SNX29: variants seen among roughly 807,000 people sequenced by gnomAD.
The protein encoded by SNX29 is sorting nexin 29, also known as sorting nexin-29.
Under a neutral mutation model 102.1 loss-of-function variants are expected in SNX29, and 78 were observed. That is an observed-to-expected ratio of 0.76 (90% confidence interval 0.64 to 0.92). The LOEUF (loss-of-function observed/expected upper bound fraction) is 0.92. Among genes scored for constraint, SNX29 ranks in the 40% least tolerant of loss-of-function variants. The pLI is 0.00. For missense variants in SNX29, 1,280 were observed against 1,061.7 expected (o/e 1.21, Z -2.86); for synonymous variants, 580 against 414.5 (o/e 1.40, Z -4.85).
At position 12,572,542 on chromosome 16, in the gene SNX29, A is replaced by G; in HGVS notation, c.*3913A>G. 9.4e-7 allele frequency: 1 copy of G among 1,063,532 alleles called. No individual in the cohort carries two copies. The highest frequency in any genetic ancestry group is 1.1e-6 in the Non-Finnish European group (1 of 878,142). 65.9% of individuals were successfully genotyped at this position (1,063,532 alleles called of 1,614,324 possible). ...GCTCAAGCCCCCACAGGGGGCTGCGACACCATCTGGCTCCTCACAGGGAGG... is the reference window on the plus strand; with the variant it reads ...GCTCAAGCCCCCACAGGGGGCTGCGGCACCATCTGGCTCCTCACAGGGAGG... On this transcript the variant is annotated 3_prime_UTR_variant, in exon 21 of 21. Coordinates refer to ENST00000566228, the MANE Select transcript of SNX29 (RefSeq NM_032167.5).
chr16:12,430,906 G>T (rs926308854), intron 18 of SNX29, among the ~76,000 whole-genome samples: 1 of 150,458 alleles, frequency 6.6e-6, no homozygotes, highest in Admixed American at 6.6e-5. Flanking sequence ...AGGCTGGAGT[G>T]CAGTGGCACA....
At chr16:12,240,465 A>G (rs981809393) in intron 14 of SNX29, among the ~76,000 whole-genome samples, 2 of 150,302 alleles carry the variant, frequency 1.3e-5, no homozygotes, top group Non-Finnish European at 3.0e-5. Context: ...GTTTGCTGTC[A>G]GTTTTTTAGT....
At chr16:12,008,117 T>C (rs2056519533) in intron 3 of SNX29, among the ~76,000 whole-genome samples, 1 of 152,082 alleles carries the variant, frequency 6.6e-6, no homozygotes, top group Non-Finnish European at 1.5e-5. Context: ...CTAATTTGTT[T>C]GTATTTTTAG....
intron 18 of SNX29, among the ~76,000 whole-genome samples, chr16:12,454,105 G>A (rs1322881275): frequency 6.6e-6 from 1 of 152,198 alleles, no homozygotes; most frequent in African/African-American, 2.4e-5. Context: ...TGTATTGGTT[G>A]TGGCTTCCCA....
At position 12,571,678 on chromosome 16, in the gene SNX29, G is replaced by A. The variant is rs756237823; in HGVS notation, c.*3049G>A. 174 of 1,059,430 alleles carry A rather than the reference G, an allele frequency of 1.6e-4. No individual in the cohort carries two copies. Among genetic ancestry groups the A allele is most frequent in the Non-Finnish European group, 1.9e-4 (169 of 876,226 alleles). 65.6% of individuals were successfully genotyped at this position (1,059,430 alleles called of 1,614,324 possible). On this transcript the variant is annotated 3_prime_UTR_variant, in exon 21 of 21. Transcript: ENST00000566228. ...AGGAACGGTAGGGCTGGGCAGAGGT[G>A]TCTCTCCTTGAGAGACAACAAAAGC... is the stretch of plus-strand genomic sequence containing the variant.
rs139386646 is a variant in SNX29 at position 12,546,079 on chromosome 16, C to T, written c.2318+21238C>T. Among the ~76,000 whole-genome samples the T allele has an allele frequency of 1.9e-3, 294 of 152,288 alleles. 1 individual carries two copies. Among genetic ancestry groups the T allele is most frequent in the Non-Finnish European group, 3.5e-3 (240 of 68,028 alleles). On this transcript the variant is annotated intron_variant, in intron 20 of 20. Coordinates refer to ENST00000566228, the MANE Select transcript of SNX29 (RefSeq NM_032167.5). ...TGAAGCAGTCCTGGGTTTGAGTCCC[C>T]AGTCTCTCACTTCACTGTGTGACTT...
intron 15 of SNX29, among the ~76,000 whole-genome samples, chr16:12,302,458 G>T (rs2080205703): frequency 6.6e-6 from 1 of 152,222 alleles, no homozygotes; most frequent in Non-Finnish European, 1.5e-5. Context: ...ATTTCTCACA[G>T]TTCTGAAGGC....
At chr16:12,080,939 C>T (rs1236040325) in intron 11 of SNX29, among the ~76,000 whole-genome samples, 1 of 148,012 alleles carries the variant, frequency 6.8e-6, no homozygotes, top group African/African-American at 2.5e-5. Context: ...GTCTCAGCCT[C>T]CCAAAGTGCT....
At chr16:12,474,875 C>G (rs375831700) in intron 18 of SNX29, among the ~76,000 whole-genome samples, 1 of 152,208 alleles carries the variant, frequency 6.6e-6, no homozygotes, top group Non-Finnish European at 1.5e-5. Context: ...CATGTTTTCT[C>G]TACTTGGTTA....
At position 12,052,014 on chromosome 16, in the gene SNX29, G is replaced by A. The variant is rs146360621; in HGVS notation, c.916G>A (p.Ala306Thr). The change falls in exon 8 of 21, where the codon GCC becomes ACC. Residue 306 changes from alanine (A) to threonine (T), a missense_variant. By Grantham distance (58) the Ala-to-Thr change is moderately conservative. Transcript: ENST00000566228. ...CCGCTCCTCTGTCAATATCATGTCC[G>A]CCTTTGAAAGCCCCTTCGGGCCTAA... The part of the protein sequence containing the change: ...SDRSSVNIMS[A>T]FESPFGPNSN... 3.8e-5 allele frequency: 61 copies of A among 1,613,812 alleles called. No homozygotes were observed. The highest frequency in any genetic ancestry group is 5.0e-5 in the Admixed American group (3 of 59,990).
chr16:12,053,679 C>A (rs78052544), intron 8 of SNX29, among the ~76,000 whole-genome samples: 9 of 116,462 alleles, frequency 7.7e-5, no homozygotes, highest in Middle Eastern at 4.5e-3. Flanking sequence ...TTTTTTTTTT[C>A]TGATGAGACT....
chr16:12,197,057 G>T (rs1374830481), intron 13 of SNX29, among the ~76,000 whole-genome samples: 1 of 152,222 alleles, frequency 6.6e-6, no homozygotes, highest in South Asian at 2.1e-4. Context: ...CGGCCCGACG[G>T]CTGGCAGCAA....
chr16:12,394,757 G>T (rs1567518987), intron 16 of SNX29, among the ~76,000 whole-genome samples: 1 of 152,230 alleles, frequency 6.6e-6, no homozygotes, highest in Non-Finnish European at 1.5e-5. Context: ...AGGCTGCTGA[G>T]TAGACTAAGA....
chr16:12,226,574 C>CTTTT (rs33956641), intron 14 of SNX29, among the ~76,000 whole-genome samples: 7 of 133,238 alleles, frequency 5.3e-5, no homozygotes, highest in African/African-American at 1.4e-4. Context: ...ACTGAGCCTT[C>CTTTT]TTTTTTTTTT....
chr16:12,173,171 G>A (rs1238021604), intron 13 of SNX29, among the ~76,000 whole-genome samples: 1 of 152,232 alleles, frequency 6.6e-6, no homozygotes, highest in Non-Finnish European at 1.5e-5. Flanking sequence ...GACTGCCGGA[G>A]ATAAAGCTGG....
chr16:12,118,846 G>A (rs2053855167), intron 11 of SNX29, among the ~76,000 whole-genome samples: 1 of 152,060 alleles, frequency 6.6e-6, no homozygotes, highest in African/African-American at 2.4e-5. Flanking sequence ...AGTTCCTCTG[G>A]GGTGTCCATT....
At chr16:12,149,686 A>G (rs1206066449) in intron 13 of SNX29, among the ~76,000 whole-genome samples, 4 of 152,200 alleles carry the variant, frequency 2.6e-5, no homozygotes, top group African/African-American at 7.2e-5. Flanking sequence ...GGGAAAAATA[A>G]TAGAACCTAC....
At chr16:12,504,967 A>G (rs2089305166) in intron 19 of SNX29, among the ~76,000 whole-genome samples, 1 of 152,054 alleles carries the variant, frequency 6.6e-6, no homozygotes, top group Non-Finnish European at 1.5e-5. Flanking sequence ...AGGTGTTTCC[A>G]TTTTTTGGCT....
At chr16:12,250,350 T>C (rs1266654202) in intron 14 of SNX29, among the ~76,000 whole-genome samples, 1 of 152,146 alleles carries the variant, frequency 6.6e-6, no homozygotes, top group Non-Finnish European at 1.5e-5. Context: ...GGCAAAGAGA[T>C]ACAAGTCAGA....
Sources: gnomAD v4.1 joint callset for allele counts (sites outside exome capture counted in the v4.1 genomes callset) on GRCh38, gnomAD v4.1.1 for gene constraint, MANE v1.5 for transcripts, NCBI Gene and HGNC (gene_info 2026-07-23, HGNC 2026-07-21) for gene names.